Variants in ZNF91 observed in about 807,000 individuals in gnomAD.
The protein encoded by ZNF91 is zinc finger protein 91 (HPF7, HTF10).
A neutral mutation model predicts 12.6 loss-of-function variants in ZNF91; 7 were observed. That is an observed-to-expected ratio of 0.55 (90% CI 0.31 to 1.04). The LOEUF is 1.04. Among genes scored for constraint, ZNF91 ranks in the 50% least tolerant of loss-of-function variants. ZNF91 has a pLI of 0.05. For missense variants in ZNF91, 1,217 were observed against 1,385.4 expected, an observed-to-expected ratio of 0.88 and a Z score of 1.93; for synonymous variants, 453 against 462.6, an observed-to-expected ratio of 0.98 and a Z score of 0.27.
chr19:23,375,808 G>A (rs1300414928), intron 1 of ZNF91, among the ~76,000 whole-genome samples: 5 of 152,068 alleles, frequency 3.3e-5, no homozygotes, highest in African/African-American at 7.2e-5. Context: ...AAATAACTCT[G>A]TAGTGAAAAA....
At chr19:23,322,145 G>C (rs1362590479) in intron 1 of ZNF91, among the ~76,000 whole-genome samples, 11 of 152,290 alleles carry the variant, frequency 7.2e-5, no homozygotes, top group African/African-American at 2.6e-4. Context: ...CATATAGCTG[G>C]CTGTAGCCCC....
chr19:23,359,749 G>A lies in ZNF91; in HGVS notation c.3230C>T (p.Pro1077Leu). The A allele has an allele frequency of 6.2e-7, 1 of 1,613,912 alleles. No homozygotes were observed. Among genetic ancestry groups the A allele is most frequent in the African/African-American group, 1.3e-5 (1 of 74,972 alleles). Residue 1077 changes from proline to leucine, a missense_variant, in exon 4 of 4, where the codon CCC becomes CTC. Pro to Leu is a moderately conservative substitution (Grantham distance 98, BLOSUM62 -3). This residue lies in a region of ZNF91 where 491 missense variants were observed against 489.8 expected (regional missense o/e 1.00). Coordinates refer to ENST00000300619, the MANE Select transcript of ZNF91 (RefSeq NM_003430.4). ...GHKRIHTREK[P>L]YKCEECGKAF... ...TTTGCCACATTCTTCACATTTGTAG[G>A]GTTTCTCTCTAGTATGAATTCTCTT...
At chr19:23,368,550 C>CTATATATA (rs1203874295) in intron 3 of ZNF91, among the ~76,000 whole-genome samples, 6 of 68,360 alleles carry the variant, frequency 8.8e-5, no homozygotes, top group African/African-American at 3.8e-4. Flanking sequence ...CTCTCTCTCT[C>CTATATATA]TCTCTCTCTC....
In ZNF91 at chr19:23,362,313, G is replaced by A. The variant is rs756185645; in HGVS notation, c.666C>T (p.Ser222=). 6.2e-7 allele frequency: 1 copy of A among 1,613,546 alleles called. No individual in the cohort carries two copies. The highest frequency in any genetic ancestry group is 8.5e-7 in the Non-Finnish European group (1 of 1,179,860). The change falls in exon 4 of 4, where the codon TCC becomes TCT. Residue 222 remains serine, a synonymous_variant. Coordinates refer to ENST00000300619, the MANE Select transcript of ZNF91 (RefSeq NM_003430.4). ...TTTCCTTATGATTAGTAAGGGTTGAGGACCAATGAAAGGTTTTTTCACATT... is the reference window on the plus strand; with the variant it reads ...TTTCCTTATGATTAGTAAGGGTTGAAGACCAATGAAAGGTTTTTTCACATT... ...CKECEKTFHW[S]STLTNHKEIH...
intron 1 of ZNF91, among the ~76,000 whole-genome samples, chr19:23,319,658 C>T (rs1967642473): frequency 2.6e-5 from 4 of 152,162 alleles, no homozygotes; most frequent in Admixed American, 2.6e-4. Context: ...ATCACTGGAC[C>T]CCGCGACAAG....
intron 1 of ZNF91, chr19:23,384,780 C>A (rs1364034713): frequency 4.6e-6 from 3 of 648,508 alleles, no homozygotes; most frequent in Admixed American, 2.3e-5. Flanking sequence ...ATAGTAAGTT[C>A]TTCCGGGCCA....
chr19:23,393,858 G>A (rs1970146684), intron 1 of ZNF91, among the ~76,000 whole-genome samples: 1 of 152,100 alleles, frequency 6.6e-6, no homozygotes, highest in Admixed American at 6.5e-5. Flanking sequence ...AAATTAGCCA[G>A]ACGTGGTCGT....
At chr19:23,387,457 C>T (rs1364648348) in intron 1 of ZNF91, among the ~76,000 whole-genome samples, 3 of 152,214 alleles carry the variant, frequency 2.0e-5, no homozygotes, top group Non-Finnish European at 2.9e-5. Context: ...TGGCTCATGC[C>T]TGTAATCCCA....
chr19:23,327,315 G>A (rs1411467745), intron 1 of ZNF91: 1 of 152,108 alleles, frequency 6.6e-6, no homozygotes, highest in African/African-American at 2.4e-5. Flanking sequence ...ACAAAGCATT[G>A]TTCTAACTAC....
chr19:23,359,986 T>G lies in ZNF91; in HGVS notation c.2993A>C (p.Glu998Ala). 2 of 1,613,724 alleles carry G rather than the reference T, an allele frequency of 1.2e-6. No individual in the cohort carries two copies. Among genetic ancestry groups the G allele is most frequent in the South Asian group, 2.2e-5 (2 of 91,078 alleles). The change falls in exon 4 of 4, where the codon GAA becomes GCA. Residue 998 changes from glutamate to alanine, a missense_variant. Physicochemically the swap from Glu to Ala is moderately radical, Grantham distance 107. Coordinates refer to ENST00000300619, the MANE Select transcript of ZNF91 (RefSeq NM_003430.4). ...GGATTGGCTAAATGCTTTGCCACAT[T>G]CTTCACATTTGTAGGGTTTCTCTCC... is the stretch of plus-strand genomic sequence containing the variant. ...HTGEKPYKCEECGKAFSQSST... is the reference protein window; with the variant it reads ...HTGEKPYKCEACGKAFSQSST...
At chr19:23,343,730 C>A (rs1364241093) in intron 3 of ZNF91, among the ~76,000 whole-genome samples, 1 of 151,656 alleles carries the variant, frequency 6.6e-6, no homozygotes, top group Non-Finnish European at 1.5e-5. Flanking sequence ...CATGCCCAGG[C>A]TTCTGCCCAG....
intron 3 of ZNF91, among the ~76,000 whole-genome samples, chr19:23,367,848 C>T (rs1969075467): frequency 6.6e-6 from 1 of 152,096 alleles, no homozygotes; most frequent in African/African-American, 2.4e-5. Context: ...AGATTATTTC[C>T]TTAAACCATA....
chr19:23,385,042 T>C (rs1797675101), intron 1 of ZNF91: 2 of 1,202,654 alleles, frequency 1.7e-6, no homozygotes, highest in Admixed American at 1.7e-5. Context: ...AGACACCTCA[T>C]GGGGCTCCAG....
At chr19:23,318,298 T>C (rs1196269065) in intron 1 of ZNF91, among the ~76,000 whole-genome samples, 1 of 152,096 alleles carries the variant, frequency 6.6e-6, no homozygotes, top group Admixed American at 6.5e-5. Flanking sequence ...ACAGGAGGCA[T>C]TGTGACATCT....
At chr19:23,338,108 C>T (rs1201626250), downstream of ZNF91, 1 of 152,074 alleles carries the variant, frequency 6.6e-6, no homozygotes, top group Non-Finnish European at 1.5e-5. Context: ...AACTTTCCAA[C>T]TCTAGCAATA....
chr19:23,389,854 T>C (rs1332506787), intron 1 of ZNF91, among the ~76,000 whole-genome samples: 2 of 152,102 alleles, frequency 1.3e-5, no homozygotes, highest in Non-Finnish European at 2.9e-5. Context: ...TCTCACAACA[T>C]TGTCCTCACT....
chr19:23,337,639 T>G (rs1686548935), downstream of ZNF91, among the ~76,000 whole-genome samples: 1 of 151,626 alleles, frequency 6.6e-6, no homozygotes, highest in Non-Finnish European at 1.5e-5. Flanking sequence ...TCCAGTACTC[T>G]AAGAAAAAAA....
chr19:23,339,942 C>CAAAAAAAAAAAA (rs71163488), intron 3 of ZNF91: 1 of 98,180 alleles, frequency 1.0e-5, no homozygotes, highest in Non-Finnish European at 2.2e-5. Context: ...AAACCTATCT[C>CAAAAAAAAAAAA]AAAAAAAAAA....
intron 1 of ZNF91, among the ~76,000 whole-genome samples, chr19:23,378,449 T>C (rs780517717): frequency 1.1e-4 from 16 of 152,178 alleles, no homozygotes; most frequent in Non-Finnish European, 2.1e-4. Context: ...TTTTTAAACT[T>C]AGCTAAAAAA....
Sources: gnomAD v4.1 joint callset for allele counts (sites outside exome capture counted in the v4.1 genomes callset) on GRCh38, gnomAD v4.1.1 for gene constraint, gnomAD v4.1.1 regional missense constraint, MANE v1.5 for transcripts, NCBI Gene and HGNC (gene_info 2026-07-23, HGNC 2026-07-21) for gene names.